MYOM2: variants seen among roughly 807,000 people sequenced by gnomAD.
The protein encoded by MYOM2 is myomesin 2, also known as myomesin-2.
A neutral mutation model predicts 187.6 loss-of-function variants in MYOM2; 254 were observed. The observed-to-expected ratio is 1.35, with a 90% CI of 1.22 to 1.50. MYOM2 has a LOEUF of 1.50. MYOM2 is among the 40% of genes most tolerant of loss of function. The pLI is 0.00. For missense variants in MYOM2, 2,796 were observed against 1,924.0 expected, an observed-to-expected ratio of 1.45 and a Z score of -8.48; for synonymous variants, 981 against 753.8, an observed-to-expected ratio of 1.30 and a Z score of -4.94.
At chr8:2,117,213 T>C (rs371037094) in intron 27 of MYOM2, among the ~76,000 whole-genome samples, 3 of 152,262 alleles carry the variant, frequency 2.0e-5, no homozygotes, top group Non-Finnish European at 4.4e-5. Context: ...TTCTACATTA[T>C]GAACATTTTT....
rs377519390 is a variant in MYOM2, at chr8:2,141,221, T to A, written c.4001+44T>A. ...GTTACTATGATATCCTGTGGGCAGT[T>A]GAGTCCCAGTCGTTTTGGCTGCATG... On this transcript the variant is annotated intron_variant, in intron 34 of 36. Coordinates refer to ENST00000262113, the MANE Select transcript of MYOM2 (RefSeq NM_003970.4). 227 of 1,569,830 alleles carry A rather than the reference T, an allele frequency of 1.4e-4. No individual in the cohort carries two copies. The African/African-American group carries it at 2.8e-3, about 19-fold the overall frequency.
intron 8 of MYOM2, among the ~76,000 whole-genome samples, chr8:2,071,971 C>T (rs1165974801): frequency 6.6e-6 from 1 of 152,214 alleles, no homozygotes; most frequent in African/African-American, 2.4e-5. Context: ...CACCTCCTTA[C>T]ACCGTCCCAT....
intron 32 of MYOM2, among the ~76,000 whole-genome samples, chr8:2,135,817 A>T (rs919733866): frequency 6.6e-6 from 1 of 152,232 alleles, no homozygotes; most frequent in African/African-American, 2.4e-5. Context: ...GTTATAATTA[A>T]TTCAGCGACT....
intron 25 of MYOM2, among the ~76,000 whole-genome samples, chr8:2,114,690 G>A (rs1399324413): frequency 1.3e-5 from 2 of 152,100 alleles, no homozygotes; most frequent in African/African-American, 4.8e-5. Flanking sequence ...AGCTGGTCTC[G>A]AACTCCCCAC....
chr8:2,132,665 T>G (rs1311079608), intron 32 of MYOM2, among the ~76,000 whole-genome samples: 1 of 152,164 alleles, frequency 6.6e-6, no homozygotes, highest in Admixed American at 6.5e-5. Context: ...TAGCTCACTG[T>G]AGCCCTGATC....
At chr8:2,069,843 T>C (rs1038603631) in intron 8 of MYOM2, among the ~76,000 whole-genome samples, 1 of 152,220 alleles carries the variant, frequency 6.6e-6, no homozygotes, top group African/African-American at 2.4e-5. Flanking sequence ...TTTACGTTTT[T>C]GAACTGGAAA....
rs1818776198 is a variant in MYOM2 at position 2,059,306 on chromosome 8, A to C, written c.653+61A>C. ...CAGTAATCAGCATTGCAGACCCCAA[A>C]GAAGAAGTCAGATGGGTAACTGGAG... On this transcript the variant is annotated intron_variant, in intron 6 of 36. Coordinates refer to ENST00000262113, the MANE Select transcript of MYOM2 (RefSeq NM_003970.4). The C allele has an allele frequency of 2.7e-6, 4 of 1,478,156 alleles. No homozygotes were observed. The South Asian group carries it at 4.7e-5, about 17-fold the overall frequency. The allele number at this position is 1,478,156 out of a possible 1,614,324, so 91.6% of individuals were successfully genotyped here.
At chr8:2,074,616 G>A (rs1221417014) in intron 10 of MYOM2, among the ~76,000 whole-genome samples, 1 of 152,058 alleles carries the variant, frequency 6.6e-6, no homozygotes, top group Non-Finnish European at 1.5e-5. Context: ...CACCACGCCC[G>A]GCTAATTTTT....
rs1796400316 is a variant in MYOM2 at position 2,094,105 on chromosome 8, A to G, written c.2125+14A>G. 6.2e-7 allele frequency: 1 copy of G among 1,613,830 alleles called. No homozygotes were observed. The highest frequency in any genetic ancestry group is 1.3e-5 in the African/African-American group (1 of 74,904). On this transcript the variant is annotated intron_variant, in intron 17 of 36. Transcript: ENST00000262113. ...AGGCCGCACTCAGTAAGTCACTCAC[A>G]GGCTGTTGTGTGCCGATTGCTCCCA...
chr8:2,089,870 C>T (rs1796234954), intron 14 of MYOM2, 138 bp from the exon 15 acceptor site: 1 of 631,042 alleles, frequency 1.6e-6, no homozygotes, highest in South Asian at 2.8e-5. Context: ...AGATGCATGA[C>T]CATCCTTTGT....
At chr8:2,046,868 G>A (rs904867432) in intron 1 of MYOM2, among the ~76,000 whole-genome samples, 7 of 151,434 alleles carry the variant, frequency 4.6e-5, no homozygotes, top group African/African-American at 9.7e-5. Flanking sequence ...GGAGCTGATC[G>A]GCCCAGGTCC....
intron 32 of MYOM2, among the ~76,000 whole-genome samples, chr8:2,139,448 T>C (rs1341348976): frequency 1.3e-5 from 2 of 152,204 alleles, no homozygotes; most frequent in Non-Finnish European, 2.9e-5. Flanking sequence ...GCCTGAGCTG[T>C]GCATTTATTA....
chr8:2,047,732 TC>T (rs1324723737), intron 1 of MYOM2, among the ~76,000 whole-genome samples: 1 of 152,116 alleles, frequency 6.6e-6, no homozygotes, highest in Non-Finnish European at 1.5e-5. Context: ...TCCAAAGACT[TC>T]CCGGGGAGAC....
At chr8:2,114,192 G>C (rs547403328) in intron 25 of MYOM2, among the ~76,000 whole-genome samples, 8 of 152,302 alleles carry the variant, frequency 5.3e-5, no homozygotes, top group African/African-American at 1.2e-4. Flanking sequence ...TCAGAACTTT[G>C]GGGCATGGCC....
chr8:2,130,628 A>G (rs1344546981), intron 32 of MYOM2, among the ~76,000 whole-genome samples: 2 of 152,150 alleles, frequency 1.3e-5, no homozygotes, highest in African/African-American at 4.8e-5. Flanking sequence ...CTTTTTTCTT[A>G]TAATGGAGTC....
chr8:2,098,049 T>C (rs1270660890), intron 18 of MYOM2: 3 of 152,196 alleles, frequency 2.0e-5, no homozygotes, highest in African/African-American at 7.2e-5. Context: ...GTCTGTCCTT[T>C]TGTCCCTGGG....
At chr8:2,075,116 A>T (rs376132537) in intron 10 of MYOM2, among the ~76,000 whole-genome samples, 1 of 152,216 alleles carries the variant, frequency 6.6e-6, no homozygotes, top group South Asian at 2.1e-4. Context: ...ATTTCATCTG[A>T]AAAGAAAGAG....
At chr8:2,115,433 T>C (rs1797208159) in intron 25 of MYOM2, among the ~76,000 whole-genome samples, 1 of 152,120 alleles carries the variant, frequency 6.6e-6, no homozygotes, top group Non-Finnish European at 1.5e-5. Context: ...ATAAAAGCGA[T>C]CAAAAAAGTC....
In MYOM2 at chr8:2,140,310, G is replaced by A. The variant is rs554396369; in HGVS notation, c.3801-413G>A. On this transcript the variant is annotated intron_variant, in intron 32 of 36. Coordinates refer to ENST00000262113, the MANE Select transcript of MYOM2 (RefSeq NM_003970.4). The stretch of plus-strand genomic sequence containing the variant: ...GGACGCTTGGGCTGCCTCCCCACCG[G>A]GGCGGTCGTGAACGATACTACGAAG... 9.4e-5 allele frequency among the ~76,000 whole-genome samples: 14 copies of A among 149,090 alleles called. No homozygotes were observed. In the South Asian group the frequency reaches 1.1e-3, roughly 12 times the overall value.
Sources: allele counts gnomAD v4.1 joint callset (sites outside exome capture counted in the v4.1 genomes callset), GRCh38; gene constraint gnomAD v4.1.1; transcripts MANE v1.5; gene names NCBI Gene and HGNC (gene_info 2026-07-23, HGNC 2026-07-21).